AKR1C3: variants seen among roughly 807,000 people sequenced by gnomAD.
AKR1C3 encodes aldo-keto reductase family 1 member C3.
A neutral mutation model predicts 43.6 loss-of-function variants in AKR1C3; 48 were observed. The observed-to-expected ratio is 1.10, with a 90% CI of 0.87 to 1.40. The LOEUF is 1.40. Ranked by LOEUF, AKR1C3 falls within the 40% of genes most tolerant of loss-of-function variation. The probability of loss-of-function intolerance (pLI) is 0.00; values close to 1 mark genes in which losing one functional copy is unlikely to be tolerated. For synonymous variants in AKR1C3, 162 were observed against 139.6 expected, an observed-to-expected ratio of 1.16 and a Z score of -1.13; for missense variants, 482 against 391.2, an observed-to-expected ratio of 1.23 and a Z score of -1.96.
intron 1 of AKR1C3, among the ~76,000 whole-genome samples, chr10:5,059,662 G>A (rs1838338878): frequency 2.0e-5 from 3 of 152,270 alleles, no homozygotes; most frequent in Admixed American, 1.3e-4. Flanking sequence ...CAGGTGCCCG[G>A]TATTTAGCCC....
At chr10:5,053,649 C>T (rs1011110962) in intron 1 of AKR1C3, among the ~76,000 whole-genome samples, 3 of 152,244 alleles carry the variant, frequency 2.0e-5, no homozygotes, top group Non-Finnish European at 2.9e-5. Context: ...CCTGCCAGCA[C>T]ATTGTCACCT....
chr10:5,063,791 G>GAAAAAAAAAAAAAAAAAAAAAAAAAAAA (rs1554780518), intron 1 of AKR1C3, among the ~76,000 whole-genome samples: 187 of 72,728 alleles, frequency 2.6e-3, no homozygotes, highest in East Asian at 3.4e-3. Flanking sequence ...AAAAAAAAAG[G>GAAAAAAAAAAAAAAAAAAAAAAAAAAAA]AAAATGGCAC....
At chr10:5,062,525 A>G (rs1467526499) in intron 1 of AKR1C3, among the ~76,000 whole-genome samples, 1 of 152,170 alleles carries the variant, frequency 6.6e-6, no homozygotes, top group Non-Finnish European at 1.5e-5. Context: ...TCTAATGAAC[A>G]TTCACCCTTA....
chr10:5,106,103 A>G (rs1005020345), intron 8 of AKR1C3, among the ~76,000 whole-genome samples: 1 of 152,152 alleles, frequency 6.6e-6, no homozygotes, highest in South Asian at 2.1e-4. Context: ...TCCAGGTGCC[A>G]ATTCCCACCT....
intron 1 of AKR1C3, among the ~76,000 whole-genome samples, chr10:5,087,380 C>T (rs3039847): frequency 0.025 from 1,885 of 74,656 alleles, 165 homozygotes; most frequent in East Asian, 0.1. Context: ...TCATTTCTTT[C>T]TTTTTTTTTT....
intron 6 of AKR1C3, 125 bp from the exon 7 acceptor site, chr10:5,102,360 T>G: frequency 6.3e-7 from 1 of 1,590,238 alleles, no homozygotes; most frequent in Non-Finnish European, 8.6e-7. Context: ...ATGATGCTGA[T>G]GGTGATGCTC....
chr10:5,076,264 C>T (rs72549126), intron 1 of AKR1C3, among the ~76,000 whole-genome samples: 1,668 of 152,228 alleles, frequency 0.011, 20 homozygotes, highest in Middle Eastern at 0.027. Flanking sequence ...ATCCTCAATG[C>T]AATAGTGTTG....
chr10:5,091,513 CTTAA>C (rs1378323824), upstream of AKR1C3, among the ~76,000 whole-genome samples: 1 of 151,970 alleles, frequency 6.6e-6, no homozygotes, highest in Non-Finnish European at 1.5e-5. Context: ...TCCTCATATC[CTTAA>C]TTAACAATGT....
At chr10:5,081,901 C>G (rs1389942168) in intron 1 of AKR1C3, 2 of 152,196 alleles carry the variant, frequency 1.3e-5, no homozygotes, top group Non-Finnish European at 2.9e-5. Context: ...CTCCTGATTT[C>G]TTGCTTCTTT....
upstream of AKR1C3, among the ~76,000 whole-genome samples, chr10:5,092,148 G>T (rs1839105339): frequency 1.3e-5 from 2 of 152,130 alleles, 1 homozygote; most frequent in East Asian, 3.9e-4. Context: ...AAAATCTGTT[G>T]ATCATCTTGA....
At chr10:5,097,901 T>G (rs1554785428) in intron 3 of AKR1C3, 1 of 1,088,724 alleles carries the variant, frequency 9.2e-7, no homozygotes, top group Non-Finnish European at 1.1e-6. Context: ...ATAAAACTGC[T>G]GCACATGTGA....
intron 1 of AKR1C3, among the ~76,000 whole-genome samples, chr10:5,083,806 A>C (rs1213540072): frequency 1.3e-5 from 2 of 152,024 alleles, no homozygotes; most frequent in African/African-American, 4.8e-5. Flanking sequence ...TGTGGTTTTG[A>C]TTTGTATTTC....
chr10:5,091,715 C>G (rs1839093906), upstream of AKR1C3, among the ~76,000 whole-genome samples: 1 of 152,082 alleles, frequency 6.6e-6, no homozygotes, highest in African/African-American at 2.4e-5. Context: ...AGCTTCGTTT[C>G]CACTTCACAT....
Position 5,063,765 on chromosome 10 carries a change from C to CAAAAAAAAAAAAAAAAAAAAAAAAAAAAA in AKR1C3, c.84+14894_84+14895insAAAAAAAAAAAAAAAAAAAAAAAAAAAAA, listed in dbSNP as rs71391987. Reference sequence around the variant, plus strand: ...AGGACAGAGGTAGTCTCTGTCTCAGCAAAAAAAAAAAAAAAAAAAAAAAAG... The same window carrying CAAAAAAAAAAAAAAAAAAAAAAAAAAAAA: ...AGGACAGAGGTAGTCTCTGTCTCAGCAAAAAAAAAAAAAAAAAAAAAAAAAAAAAAAAAAAAAAAAAAAAAAAAAAAAAG... On this transcript the variant is annotated intron_variant, in intron 1 of 8. Coordinates refer to the AKR1C3 transcript ENST00000439082. Among the ~76,000 whole-genome samples, 30 of 46,432 alleles carry CAAAAAAAAAAAAAAAAAAAAAAAAAAAAA rather than the reference C, an allele frequency of 6.5e-4. 6 individuals carry two copies. The highest frequency in any genetic ancestry group is 7.7e-4 in the Non-Finnish European group (20 of 26,082). 30.5% of individuals were successfully genotyped at this position (46,432 alleles called of 152,430 possible). A position where few individuals can be genotyped will look rare whatever the true frequency, so the allele number is the denominator to read the frequency against.
At chr10:5,105,741 TGAGA>T in intron 8 of AKR1C3, 64 bp downstream of exon 8, 1 of 1,303,108 alleles carries the variant, frequency 7.7e-7, no homozygotes, top group East Asian at 2.4e-5. Flanking sequence ...GGATGGGTGT[TGAGA>T]GTGACCTCCA....
intron 1 of AKR1C3, among the ~76,000 whole-genome samples, chr10:5,063,612 C>T (rs1349427452): frequency 1.3e-5 from 2 of 151,158 alleles, no homozygotes; most frequent in Non-Finnish European, 2.9e-5. Flanking sequence ...CATGGTGGAA[C>T]CCCATCTCTA....
intron 1 of AKR1C3, among the ~76,000 whole-genome samples, chr10:5,088,394 C>G (rs995431930): frequency 6.6e-6 from 1 of 151,812 alleles, no homozygotes; most frequent in Non-Finnish European, 1.5e-5. Context: ...TTTTCTGTCT[C>G]AATGATCTGC....
intron 1 of AKR1C3, among the ~76,000 whole-genome samples, chr10:5,078,771 G>T (rs75371034): frequency 1.3e-5 from 2 of 152,212 alleles, no homozygotes; most frequent in Non-Finnish European, 2.9e-5. Flanking sequence ...TCTCTGCTTT[G>T]TGAATAGCAT....
intron 8 of AKR1C3, among the ~76,000 whole-genome samples, chr10:5,106,594 T>C (rs1289658314): frequency 1.3e-5 from 2 of 151,940 alleles, no homozygotes; most frequent in East Asian, 3.9e-4. Context: ...CTACTAAAAA[T>C]ATAAAAATTA....
Sources: gnomAD v4.1 joint callset for allele counts (sites outside exome capture counted in the v4.1 genomes callset) on GRCh38, gnomAD v4.1.1 for gene constraint, MANE v1.5 for transcripts, NCBI Gene and HGNC (gene_info 2026-07-23, HGNC 2026-07-21) for gene names.